DIP2A: variants seen among roughly 807,000 people sequenced by gnomAD.
The protein encoded by DIP2A is DIP2 acetate--CoA ligase A.
Under a neutral mutation model 177.4 loss-of-function variants are expected in DIP2A, and 85 were observed. That is an observed-to-expected ratio of 0.48 (90% CI 0.40 to 0.57). DIP2A has a LOEUF of 0.57. Among genes scored for constraint, DIP2A ranks in the 20% least tolerant of loss-of-function variants. The probability of loss-of-function intolerance (pLI) is 0.00; values close to 1 mark genes in which losing one functional copy is unlikely to be tolerated. For missense variants in DIP2A, 1,791 were observed against 2,100.2 expected (o/e 0.85, Z 2.88); for synonymous variants, 886 against 881.8 (o/e 1.00, Z -0.08).
chr21:46,550,462 A>AGGG, intron 22 of DIP2A, 81 bp from the exon 23 acceptor site: 1 of 1,348,060 alleles, frequency 7.4e-7, no homozygotes, highest in Non-Finnish European at 1.0e-6. Flanking sequence ...AGGTCCACAG[A>AGGG]GGGGATGTTC....
intron 19 of DIP2A, among the ~76,000 whole-genome samples, chr21:46,545,497 T>C: frequency 6.6e-6 from 1 of 151,928 alleles, no homozygotes; most frequent in East Asian, 1.9e-4. Context: ...GGGCTGGGAG[T>C]CAGCGTGCTT....
chr21:46,554,357 C>G, intron 26 of DIP2A, 65 bp downstream of exon 26: 2 of 1,589,956 alleles, frequency 1.3e-6, no homozygotes, highest in South Asian at 2.3e-5. Flanking sequence ...CTAAGCAGCC[C>G]CCTAGACACT....
downstream of DIP2A, among the ~76,000 whole-genome samples, chr21:46,571,566 C>T (rs9982109): frequency 0.13 from 20,260 of 152,036 alleles, 1,884 homozygotes; most frequent in African/African-American, 0.27. Context: ...GCATCCTCTC[C>T]TATTCCCTTG....
At chr21:46,495,217 C>T in intron 3 of DIP2A, among the ~76,000 whole-genome samples, 1 of 93,812 alleles carries the variant, frequency 1.1e-5, no homozygotes, top group East Asian at 2.7e-4. Flanking sequence ...CTCTTCTCTT[C>T]TCTTCTCTTC....
In DIP2A at chr21:46,526,350, G is replaced by T. The variant is rs533109188; in HGVS notation, c.1103-2742G>T. ...TGACAGTCTCAAGTACTTAGTGTGT[G>T]TGTGTTTTAAGCTTGTGGTGGATAC... On this transcript the variant is annotated intron_variant, in intron 8 of 37. Coordinates refer to ENST00000417564, the MANE Select transcript of DIP2A (RefSeq NM_015151.4). Among the ~76,000 whole-genome samples, 4 of 150,048 alleles carry T rather than the reference G, an allele frequency of 2.7e-5. No individual in the cohort carries two copies. The East Asian group carries it at 7.8e-4, about 29-fold the overall frequency.
the DIP2A span, among the ~76,000 whole-genome samples, chr21:46,577,719 T>A: frequency 6.6e-6 from 1 of 152,222 alleles, no homozygotes; most frequent in Admixed American, 6.5e-5. Context: ...TACATTACTT[T>A]GGGGAGTATG....
intron 33 of DIP2A, 43 bp from the exon 34 acceptor site, chr21:46,561,705 T>C (rs1289022235): frequency 6.2e-7 from 1 of 1,605,652 alleles, no homozygotes; most frequent in Non-Finnish European, 8.5e-7. Flanking sequence ...CATTACTACC[T>C]GTGTAGTAAA....
intron 8 of DIP2A, among the ~76,000 whole-genome samples, chr21:46,514,617 C>CTTTTTTTTT (rs752628688): frequency 3.9e-3 from 272 of 70,116 alleles, no homozygotes; most frequent in Middle Eastern, 0.048. Flanking sequence ...AACTTTTATT[C>CTTTTTTTTT]TTTTTTTTTT....
chr21:46,579,724 C>G, the DIP2A span, among the ~76,000 whole-genome samples: 15 of 152,180 alleles, frequency 9.9e-5, no homozygotes, highest in African/African-American at 2.9e-4. Context: ...AGGAGTCATT[C>G]AGGAGGAGGT....
In DIP2A at chr21:46,567,684, G is replaced by A. The variant is rs2060877099; in HGVS notation, c.*62G>A. 5 of 1,529,466 alleles carry A rather than the reference G, an allele frequency of 3.3e-6. No homozygotes were observed. The highest frequency in any genetic ancestry group is 4.4e-6 in the Non-Finnish European group (5 of 1,138,096). The allele number at this position is 1,529,466 out of a possible 1,614,324, so 94.7% of individuals were successfully genotyped here. A position where few individuals can be genotyped will look rare whatever the true frequency, so the allele number is the denominator to read the frequency against. ...GCCCCAGCAGTCCAAGGTGTGATGT[G>A]GGAAGACACCGCAGAGCTCACTCAC... On this transcript the variant is annotated 3_prime_UTR_variant, in exon 38 of 38. Transcript: ENST00000417564.
rs1158144137 is a variant in DIP2A, at chr21:46,558,209, C to T, written c.3799-14C>T. 2 of 1,603,646 alleles carry T rather than the reference C, an allele frequency of 1.2e-6. No homozygotes were observed. Among genetic ancestry groups the T allele is most frequent in the South Asian group, 1.1e-5 (1 of 90,014 alleles). On this transcript the variant is annotated splice_polypyrimidine_tract_variant and intron_variant, in intron 31 of 37. Transcript: ENST00000417564. ...GAGCTGTGGCCGTGGCCTGACCGCT[C>T]ACCCCTCCCGCAGATGAAGGGGGTG... is the stretch of plus-strand genomic sequence containing the variant.
In DIP2A at chr21:46,537,279, C is replaced by A. The variant is rs376125206; in HGVS notation, c.1698C>A (p.Gly566=). The change falls in exon 14 of 38, where the codon GGC becomes GGA. Residue 566 remains glycine, a synonymous_variant. Transcript: ENST00000417564. The surrounding 1 kb of genome is among the most constrained non-coding windows in gnomAD (Gnocchi z 4.1). ...AAAGGGATGCTGGTCTGTGGCATGG[C>A]GTGTTAACAGTGAGTGTTGTTTGCT... ...DFKRDAGLWH[G]VLTSVMNRMH... 3 of 1,613,856 alleles carry A rather than the reference C, an allele frequency of 1.9e-6. No homozygotes were observed. Among genetic ancestry groups the A allele is most frequent in the African/African-American group, 2.7e-5 (2 of 74,922 alleles).
At chr21:46,480,744 A>T (rs1297130786) in intron 1 of DIP2A, among the ~76,000 whole-genome samples, 3 of 152,224 alleles carry the variant, frequency 2.0e-5, no homozygotes, top group Non-Finnish European at 1.5e-5. Flanking sequence ...TCTGGTGTGT[A>T]TCTGATTTCT....
intron 5 of DIP2A, among the ~76,000 whole-genome samples, chr21:46,501,893 A>G (rs562469505): frequency 2.0e-4 from 31 of 152,356 alleles, no homozygotes; most frequent in African/African-American, 6.0e-4. Flanking sequence ...TTAAAATGCT[A>G]ATTTGATCAG....
rs2057479727 is a variant in DIP2A at position 46,498,543 on chromosome 21, A to G, written c.404-39A>G. On this transcript the variant is annotated intron_variant, in intron 4 of 37. Coordinates refer to ENST00000417564, the MANE Select transcript of DIP2A (RefSeq NM_015151.4). The surrounding 1 kb of genome is among the most constrained non-coding windows in gnomAD (Gnocchi z 4.3). ...GGGAACTCCGTCCTCCTCTTGACTC[A>G]TCCCGATATCATGCCTGTCATCGTT... 1 of 1,570,560 alleles carries G rather than the reference A, an allele frequency of 6.4e-7. No individual in the cohort carries two copies. Among genetic ancestry groups the G allele is most frequent in the Non-Finnish European group, 8.6e-7 (1 of 1,157,476 alleles).
At chr21:46,460,094 C>T (rs2054169309) in intron 1 of DIP2A, among the ~76,000 whole-genome samples, 1 of 152,166 alleles carries the variant, frequency 6.6e-6, no homozygotes, top group African/African-American at 2.4e-5. Context: ...GGGGTTATAC[C>T]AGCACTTTCC....
At chr21:46,478,749 T>G (rs896175943) in intron 1 of DIP2A, among the ~76,000 whole-genome samples, 57 of 120,446 alleles carry the variant, frequency 4.7e-4, no homozygotes, top group African/African-American at 2.1e-3. Flanking sequence ...AGAATTTATG[T>G]TTTTTTTTTT....
At position 46,541,015 on chromosome 21, in the gene DIP2A, CAAAAAA is replaced by C. The variant is rs532906368; in HGVS notation, c.2037-726_2037-721del. On this transcript the variant is annotated intron_variant, in intron 17 of 37. Coordinates refer to ENST00000417564, the MANE Select transcript of DIP2A (RefSeq NM_015151.4). ...GGGCAACAAGAGTGAAACTCTGTGTCAAAAAAAAAAAAAAAAAAAAGTTACCCTATT... is the reference window on the plus strand; with the variant it reads ...GGGCAACAAGAGTGAAACTCTGTGTCAAAAAAAAAAAAAAGTTACCCTATT... 2.8e-4 allele frequency among the ~76,000 whole-genome samples: 20 copies of C among 71,938 alleles called. No homozygotes were observed. In the East Asian group the frequency reaches 0.011, roughly 38 times the overall value. 47.2% of individuals were successfully genotyped at this position (71,938 alleles called of 152,430 possible). A position where few individuals can be genotyped will look rare whatever the true frequency, so the allele number is the denominator to read the frequency against.
At chr21:46,503,615 T>TTCCTTCCTTCCTTCCTTCCTTCCTTC (rs1568987054) in intron 5 of DIP2A, among the ~76,000 whole-genome samples, 10 of 90,692 alleles carry the variant, frequency 1.1e-4, no homozygotes, top group Admixed American at 2.6e-4. Flanking sequence ...TTCCTTCCTT[T>TTCCTTCCTTCCTTCCTTCCTTCCTTC]CTTTCTTTCT....
Sources: allele counts gnomAD v4.1 joint callset (sites outside exome capture counted in the v4.1 genomes callset), GRCh38; gene constraint gnomAD v4.1.1; non-coding constraint Gnocchi (gnomAD v3.1); transcripts MANE v1.5; gene names NCBI Gene and HGNC (gene_info 2026-07-23, HGNC 2026-07-21).